MAB21L3: variants seen among roughly 807,000 people sequenced by gnomAD.
MAB21L3 encodes the protein protein mab-21-like 3.
A neutral mutation model predicts 37.7 loss-of-function variants in MAB21L3; 36 were observed. That is an observed-to-expected ratio of 0.96 (90% CI 0.73 to 1.26). The LOEUF (loss-of-function observed/expected upper bound fraction) is 1.26. MAB21L3 is among the 50% of genes most tolerant of loss of function. The pLI is 0.00. For missense variants in MAB21L3, 430 were observed against 447.3 expected (o/e 0.96, Z 0.35); for synonymous variants, 186 against 176.8 (o/e 1.05, Z -0.41).
intron 3 of MAB21L3, among the ~76,000 whole-genome samples, chr1:116,120,655 G>A (rs1358005402): frequency 1.3e-5 from 2 of 151,970 alleles, no homozygotes; most frequent in Admixed American, 6.6e-5. Context: ...TCACTGTTGT[G>A]TCCCCAGCAC....
chr1:116,115,623 G>A (rs1146360), intron 3 of MAB21L3, among the ~76,000 whole-genome samples: 8,096 of 152,202 alleles, frequency 0.053, 601 homozygotes, highest in African/African-American at 0.16. Context: ...TGACATTCCT[G>A]GCATGCTACT....
At position 116,133,359 on chromosome 1, in the gene MAB21L3, G is replaced by A. The variant is rs540660033; in HGVS notation, c.1083G>A (p.Pro361=). ...ATFLKNPQIG[P]P is the part of the protein sequence containing the mutation. ...TCCTGAAGAACCCCCAGATCGGCCC[G>A]CCCTGATGGTTGCCCCGGCCTGGGA... Residue 361 remains proline (P), a synonymous_variant, in exon 8 of 8, where the codon CCG becomes CCA. Transcript: ENST00000369500. The A allele has an allele frequency of 1.7e-5, 28 of 1,613,932 alleles. No individual in the cohort carries two copies. The highest frequency in any genetic ancestry group is 9.3e-5 in the African/African-American group (7 of 75,046).
intron 6 of MAB21L3, 65 bp downstream of exon 6, chr1:116,127,709 T>C: frequency 6.8e-7 from 1 of 1,472,786 alleles, no homozygotes; most frequent in Non-Finnish European, 9.1e-7. Context: ...GTCACAGCAT[T>C]ACTGACTGCC....
At position 116,128,170 on chromosome 1, in the gene MAB21L3, G is replaced by A; in HGVS notation, c.686G>A (p.Cys229Tyr). 1 of 1,613,380 alleles carries A rather than the reference G, an allele frequency of 6.2e-7. No individual in the cohort carries two copies. Among genetic ancestry groups the A allele is most frequent in the Non-Finnish European group, 8.5e-7 (1 of 1,179,720 alleles). ...TCGTTTGGATTTAACTTGTTGGCCT[G>A]TTCAAATTATCACTGGCAGCTGAGC... Reference protein sequence around the residue: ...IKSFGFNLLACSNYHWQLSFL... With the variant: ...IKSFGFNLLAYSNYHWQLSFL... The change falls in exon 7 of 8, where the codon TGT becomes TAT. Residue 229 changes from cysteine to tyrosine, a missense_variant. Transcript: ENST00000369500.
chr1:116,124,888 CAT>C (rs879681389), intron 5 of MAB21L3, among the ~76,000 whole-genome samples: 5,388 of 110,340 alleles, frequency 0.049, 228 homozygotes, highest in African/African-American at 0.18. Flanking sequence ...CACACACACA[CAT>C]ACACACACAC....
chr1:116,117,213 C>T (rs1210204747), intron 3 of MAB21L3, among the ~76,000 whole-genome samples: 1 of 137,130 alleles, frequency 7.3e-6, no homozygotes, highest in Admixed American at 7.8e-5. Context: ...TGCTATGTTA[C>T]TAACATTCAA....
intron 3 of MAB21L3, among the ~76,000 whole-genome samples, chr1:116,116,683 C>G (rs942966120): frequency 6.6e-6 from 1 of 152,144 alleles, no homozygotes; most frequent in African/African-American, 2.4e-5. Flanking sequence ...CCTTGTCACT[C>G]TGGTCCTCCA....
At position 116,135,543 on chromosome 1, in the gene MAB21L3, A is replaced by G. The variant is rs913560532; in HGVS notation, c.*2178A>G. 9.8e-4 allele frequency among the ~76,000 whole-genome samples: 150 copies of G among 152,338 alleles called. No individual in the cohort carries two copies. Among genetic ancestry groups the G allele is most frequent in the Non-Finnish European group, 1.7e-3 (118 of 68,024 alleles). The stretch of plus-strand genomic sequence containing the variant: ...GATGGATTCACAGCCGAATTCTACC[A>G]GAGGTACAAGGAGGAACTAGTACCA... On this transcript the variant is annotated 3_prime_UTR_variant, in exon 8 of 8. Transcript: ENST00000369500.
Position 116,136,663 on chromosome 1 carries a change from C to T in MAB21L3, c.*3298C>T, listed in dbSNP as rs1444905884. On this transcript the variant is annotated 3_prime_UTR_variant, in exon 8 of 8. Coordinates refer to ENST00000369500, the MANE Select transcript of MAB21L3 (RefSeq NM_152367.3). ...TGGAACCAAAAAAGAGCCTGCATTG[C>T]CAAGTCAATTCTAAGCCAAAAGAAC... Among the ~76,000 whole-genome samples, 1 of 152,162 alleles carries T rather than the reference C, an allele frequency of 6.6e-6. No individual in the cohort carries two copies. The highest frequency in any genetic ancestry group is 2.4e-5 in the African/African-American group (1 of 41,418).
At position 116,133,322 on chromosome 1, in the gene MAB21L3, A is replaced by G. The variant is rs749105149; in HGVS notation, c.1046A>G (p.Lys349Arg). Residue 349 changes from lysine (K) to arginine (R), a missense_variant, in exon 8 of 8, where the codon AAG (lysine) becomes AGG (arginine). Transcript: ENST00000369500. Reference protein sequence around the residue: ...NPTELDTVAQKLATFLKNPQI... With the variant: ...NPTELDTVAQRLATFLKNPQI... ...ACTGAACTGGACACTGTGGCCCAAAAGCTGGCCACCTTCCTGAAGAACCCC... is the reference window on the plus strand; with the variant it reads ...ACTGAACTGGACACTGTGGCCCAAAGGCTGGCCACCTTCCTGAAGAACCCC... 6 of 1,614,094 alleles carry G rather than the reference A, an allele frequency of 3.7e-6. No individual in the cohort carries two copies. The highest frequency in any genetic ancestry group is 5.1e-6 in the Non-Finnish European group (6 of 1,180,038).
chr1:116,119,874 A>G (rs1033153978), intron 3 of MAB21L3, among the ~76,000 whole-genome samples: 1 of 152,134 alleles, frequency 6.6e-6, no homozygotes, highest in Non-Finnish European at 1.5e-5. Flanking sequence ...AGAATTTCCC[A>G]ATTCTTCATA....
intron 7 of MAB21L3, among the ~76,000 whole-genome samples, chr1:116,131,836 C>T (rs150952481): frequency 2.7e-4 from 41 of 152,154 alleles, no homozygotes; most frequent in African/African-American, 8.9e-4. Context: ...CTGATGAGAT[C>T]GCTACTGCAG....
intron 7 of MAB21L3, 105 bp from the exon 8 acceptor site, chr1:116,133,027 C>G: frequency 2.1e-6 from 2 of 957,290 alleles, no homozygotes; most frequent in Non-Finnish European, 3.2e-6. Context: ...GCCCAGGCAA[C>G]TCTTTTCTCC....
At chr1:116,120,889 C>T in intron 3 of MAB21L3, 43 bp from the exon 4 acceptor site, 1 of 1,607,950 alleles carries the variant, frequency 6.2e-7, no homozygotes, top group South Asian at 1.1e-5. Flanking sequence ...TCTTGGGGCC[C>T]ACAGAGGAAA....
rs2101622225 is a variant in MAB21L3 at position 116,136,705 on chromosome 1, C to T, written c.*3340C>T. Among the ~76,000 whole-genome samples the T allele has an allele frequency of 6.6e-6, 1 of 152,266 alleles. No individual in the cohort carries two copies. The highest frequency in any genetic ancestry group is 1.9e-4 in the East Asian group (1 of 5,180). ...CAAAAGAACAAAGCTGGAGGCATCA[C>T]ACTACCTGACTTCAAACTATACTAC... On this transcript the variant is annotated 3_prime_UTR_variant, in exon 8 of 8. Transcript: ENST00000369500.
chr1:116,125,148 C>G lies in MAB21L3; in HGVS notation c.481+791C>G, dbSNP rs150012382. Among the ~76,000 whole-genome samples the G allele has an allele frequency of 1.7e-3, 256 of 152,152 alleles. 1 individual carries two copies. The highest frequency in any genetic ancestry group is 6.0e-3 in the African/African-American group (251 of 41,502). On this transcript the variant is annotated intron_variant, in intron 5 of 7. Coordinates refer to ENST00000369500, the MANE Select transcript of MAB21L3 (RefSeq NM_152367.3). ...CCTAATGTTGGGTGCATTAAAATAC[C>G]TAGCAAGCTAAAAGAAATGAAAAGT... is the stretch of plus-strand genomic sequence containing the variant.
chr1:116,116,054 C>G (rs914990683), intron 3 of MAB21L3, among the ~76,000 whole-genome samples: 1 of 152,196 alleles, frequency 6.6e-6, no homozygotes, highest in Non-Finnish European at 1.5e-5. Context: ...TGGGTGTCTA[C>G]TTGTGTTAGA....
rs975992184 is a variant in MAB21L3, at chr1:116,136,561, A to G, written c.*3196A>G. On this transcript the variant is annotated 3_prime_UTR_variant, in exon 8 of 8. Transcript: ENST00000369500. ...ATGGCCAGACTGCCCAAGGTAATTT[A>G]CAGATTCAATGCCATCCCCATCAAG... 1.8e-4 allele frequency among the ~76,000 whole-genome samples: 28 copies of G among 152,236 alleles called. No individual in the cohort carries two copies. Among genetic ancestry groups the G allele is most frequent in the Non-Finnish European group, 3.7e-4 (25 of 68,044 alleles).
chr1:116,120,790 C>T, intron 3 of MAB21L3, 142 bp from the exon 4 acceptor site: 2 of 993,126 alleles, frequency 2.0e-6, no homozygotes, highest in South Asian at 1.7e-5. Context: ...ATTCATCTCC[C>T]CGGCATCTTG....
Sources: allele counts gnomAD v4.1 joint callset (sites outside exome capture counted in the v4.1 genomes callset), GRCh38; gene constraint gnomAD v4.1.1; transcripts MANE v1.5; gene names NCBI Gene and HGNC (gene_info 2026-07-23, HGNC 2026-07-21).